Variants in ADAMTSL2 observed in about 807,000 individuals in gnomAD.
The protein encoded by ADAMTSL2 is ADAMTS like 2.
ADAMTSL2 carries 55 observed loss-of-function variants against 117.0 expected under a neutral mutation model. That is an observed-to-expected ratio of 0.47 (90% CI 0.38 to 0.59). The LOEUF (loss-of-function observed/expected upper bound fraction) is 0.59, where lower values mean the gene tolerates loss of function less well. Ranked by LOEUF, ADAMTSL2 falls within the 20% of genes least tolerant of loss-of-function variation. The pLI, the probability that ADAMTSL2 is intolerant of heterozygous loss-of-function variation, is 0.00. For synonymous variants in ADAMTSL2, 572 were observed against 566.4 expected, an observed-to-expected ratio of 1.01 and a Z score of -0.14; for missense variants, 1,182 against 1,354.5, an observed-to-expected ratio of 0.87 and a Z score of 2.00.
intron 11 of ADAMTSL2, 35 bp from the exon 12 acceptor site, chr9:133,561,163 G>A (rs997978543): frequency 6.6e-5 from 103 of 1,558,716 alleles, no homozygotes; most frequent in South Asian, 1.4e-4. Context: ...GGCCTGGAGC[G>A]TCTCATCACC....
At chr9:133,573,538 C>T (rs1831158986) in intron 17 of ADAMTSL2, among the ~76,000 whole-genome samples, 1 of 152,042 alleles carries the variant, frequency 6.6e-6, no homozygotes, top group African/African-American at 2.4e-5. Context: ...CCTGGACCCC[C>T]TGGGAAATGA....
chr9:133,555,968 A>G, intron 11 of ADAMTSL2, 38 bp downstream of exon 11: 1 of 1,602,190 alleles, frequency 6.2e-7, no homozygotes, highest in Non-Finnish European at 8.5e-7. Flanking sequence ...CAGGGCCCTC[A>G]GGGGGCAGGA....
chr9:133,534,662 CT>C, upstream of ADAMTSL2: 1 of 1,330,364 alleles, frequency 7.5e-7, no homozygotes, highest in East Asian at 3.1e-5. Context: ...TCCTCCCCGT[CT>C]GCCTGACAGC....
Position 133,537,452 on chromosome 9 carries a change from G to A in ADAMTSL2, c.138G>A (p.Thr46=), listed in dbSNP as rs748809245. ...SNSLEGGTDA[T]AFWWGEWTKW... ...GCCTGGAGGGGGGCACCGACGCCAC[G>A]GCCTTCTGGTGGGGGGAGTGGACCA... The change falls in exon 3 of 19, where the codon ACG becomes ACA. Residue 46 remains threonine (T), a synonymous_variant. Coordinates refer to ENST00000651351, the MANE Select transcript of ADAMTSL2 (RefSeq NM_014694.4). The A allele has an allele frequency of 1.7e-5, 23 of 1,353,368 alleles. No homozygotes were observed. The highest frequency in any genetic ancestry group is 5.7e-5 in the Admixed American group (2 of 34,790). The allele number at this position is 1,353,368 out of a possible 1,614,324, so 83.8% of individuals were successfully genotyped here.
intron 12 of ADAMTSL2, among the ~76,000 whole-genome samples, chr9:133,561,979 T>C (rs1830740069): frequency 6.6e-6 from 1 of 152,148 alleles, no homozygotes; most frequent in Non-Finnish European, 1.5e-5. Context: ...TACAGGGCCG[T>C]TGATGGGAGA....
Position 133,534,872 on chromosome 9 carries a change from C to A in ADAMTSL2, c.-196C>A. Reference sequence around the variant, plus strand: ...ACCTGGCGCCGTCTGCCCTCCGCAGCGCTCGCCCCTTTCTCTGGGAGGACA... The same window carrying A: ...ACCTGGCGCCGTCTGCCCTCCGCAGAGCTCGCCCCTTTCTCTGGGAGGACA... On this transcript the variant is annotated 5_prime_UTR_variant, in exon 1 of 19. Coordinates refer to ENST00000651351, the MANE Select transcript of ADAMTSL2 (RefSeq NM_014694.4). 2.7e-6 allele frequency: 4 copies of A among 1,475,764 alleles called. No homozygotes were observed. The highest frequency in any genetic ancestry group is 3.6e-6 in the Non-Finnish European group (4 of 1,108,490). 91.4% of individuals were successfully genotyped at this position (1,475,764 alleles called of 1,614,324 possible).
chr9:133,534,594 G>A, upstream of ADAMTSL2: 1 of 1,223,430 alleles, frequency 8.2e-7, no homozygotes, highest in Non-Finnish European at 1.0e-6. Context: ...GCGGGTTAAA[G>A]TGTGCGCCAG....
intron 17 of ADAMTSL2, among the ~76,000 whole-genome samples, chr9:133,572,795 G>A (rs1311740680): frequency 3.9e-5 from 6 of 152,176 alleles, no homozygotes; most frequent in African/African-American, 7.2e-5. Flanking sequence ...CCCCGATGCC[G>A]GTGCATAGCG....
At chr9:133,574,628 C>A in intron 18 of ADAMTSL2, 118 bp from the exon 19 acceptor site, 1 of 834,342 alleles carries the variant, frequency 1.2e-6, no homozygotes, top group Non-Finnish European at 2.1e-6. Flanking sequence ...GAGATGGAGA[C>A]CCACCACGGG....
rs1830717865 is a variant in ADAMTSL2, at chr9:133,561,132, A to G, written c.1650-66A>G. The G allele has an allele frequency of 2.8e-6, 4 of 1,420,724 alleles. No individual in the cohort carries two copies. In the African/African-American group the frequency reaches 5.6e-5, roughly 20 times the overall value. The allele number at this position is 1,420,724 out of a possible 1,614,324, so 88.0% of individuals were successfully genotyped here. On this transcript the variant is annotated intron_variant, in intron 11 of 18. Transcript: ENST00000651351. ...CTCCGAAGAAAACTCCCTCGCCTGAAAAGCCGGAGCCTGCCGGTGGGGCCT... is the reference window on the plus strand; with the variant it reads ...CTCCGAAGAAAACTCCCTCGCCTGAGAAGCCGGAGCCTGCCGGTGGGGCCT...
rs1334302913 is a variant in ADAMTSL2 at position 133,558,537 on chromosome 9, G to T, written c.1649+2607G>T. Among the ~76,000 whole-genome samples, 1 of 152,222 alleles carries T rather than the reference G, an allele frequency of 6.6e-6. No homozygotes were observed. Among genetic ancestry groups the T allele is most frequent in the Non-Finnish European group, 1.5e-5 (1 of 68,044 alleles). ...GGAGTCCCTCTCCGCAGCCTTGGGG[G>T]GAGAGAAGAACAGAGCACTTTCTGG... On this transcript the variant is annotated intron_variant, in intron 11 of 18. Coordinates refer to ENST00000651351, the MANE Select transcript of ADAMTSL2 (RefSeq NM_014694.4). The surrounding 1 kb of genome is among the most constrained non-coding windows in gnomAD (Gnocchi z 4.3).
At chr9:133,533,388 C>G (rs767495749), upstream of ADAMTSL2, among the ~76,000 whole-genome samples, 1 of 152,086 alleles carries the variant, frequency 6.6e-6, no homozygotes, top group African/African-American at 2.4e-5. Flanking sequence ...CCGAGGGTCC[C>G]GGGGAGAGAA....
At chr9:133,539,977 A>G (rs1178608657) in intron 5 of ADAMTSL2, 104 bp downstream of exon 5, 18 of 1,092,508 alleles carry the variant, frequency 1.6e-5, no homozygotes, top group Non-Finnish European at 2.3e-5. Context: ...AGGTGGGGAA[A>G]TGGAGGTGGT....
Position 133,570,521 on chromosome 9 carries a change from C to G in ADAMTSL2, c.2592+14C>G. On this transcript the variant is annotated intron_variant, in intron 17 of 18. Transcript: ENST00000651351. The stretch of plus-strand genomic sequence containing the variant: ...CCCTGGTCAGAGGTGAGCTCCCAGC[C>G]GGCCCCTCTGAGGTTGCCTGAGGCC... 1.2e-6 allele frequency: 2 copies of G among 1,607,612 alleles called. No individual in the cohort carries two copies. The highest frequency in any genetic ancestry group is 2.2e-5 in the East Asian group (1 of 44,472).
At chr9:133,562,367 A>G (rs1479392774) in intron 12 of ADAMTSL2, among the ~76,000 whole-genome samples, 6 of 152,266 alleles carry the variant, frequency 3.9e-5, no homozygotes, top group Admixed American at 6.5e-5. Context: ...GCCATGGGGC[A>G]TGCTGTGTTC....
chr9:133,541,665 C>T (rs1185547595), intron 7 of ADAMTSL2, among the ~76,000 whole-genome samples: 3 of 152,190 alleles, frequency 2.0e-5, no homozygotes, highest in Non-Finnish European at 4.4e-5. Flanking sequence ...GACCCTGGCA[C>T]GCTGGATTCT....
chr9:133,564,769 C>T (rs1830924246), intron 12 of ADAMTSL2, among the ~76,000 whole-genome samples: 1 of 151,702 alleles, frequency 6.6e-6, no homozygotes, highest in African/African-American at 2.4e-5. Context: ...GGAGAGTTCC[C>T]TGTCACTGTG....
chr9:133,544,888 T>C (rs1342044553), intron 8 of ADAMTSL2, among the ~76,000 whole-genome samples: 1 of 152,012 alleles, frequency 6.6e-6, no homozygotes, highest in Non-Finnish European at 1.5e-5. Flanking sequence ...CCCTGTGGGG[T>C]TCGAGGAGTG....
chr9:133,539,832 T>C lies in ADAMTSL2; in HGVS notation c.371T>C (p.Val124Ala). 1 of 1,551,078 alleles carries C rather than the reference T, an allele frequency of 6.4e-7. No homozygotes were observed. Among genetic ancestry groups the C allele is most frequent in the African/African-American group, 1.4e-5 (1 of 73,162 alleles). The change falls in exon 5 of 19, where the codon GTG (valine) becomes GCG (alanine). Residue 124 changes from valine (V) to alanine (A), a missense_variant. Physicochemically the swap from Val to Ala is moderately conservative, Grantham distance 64. Transcript: ENST00000651351. ...CAGTGCGTCTCCTTCAACTCCCACG[T>C]GTACAACGGGCGGACGCACCAGTGG... ...EEQCVSFNSH[V>A]YNGRTHQWKP...
Sources: gnomAD v4.1 joint callset for allele counts (sites outside exome capture counted in the v4.1 genomes callset) on GRCh38, gnomAD v4.1.1 for gene constraint, Gnocchi (gnomAD v3.1) non-coding constraint, MANE v1.5 for transcripts, NCBI Gene and HGNC (gene_info 2026-07-23, HGNC 2026-07-21) for gene names.